ARHGAP17: variants seen among roughly 807,000 people sequenced by gnomAD.
ARHGAP17 encodes the protein Rho GTPase activating protein 17.
A neutral mutation model predicts 99.5 loss-of-function variants in ARHGAP17; 57 were observed. The observed-to-expected ratio is 0.57, with a 90% CI of 0.46 to 0.71. ARHGAP17 has a LOEUF of 0.71. Among genes scored for constraint, ARHGAP17 ranks in the 30% least tolerant of loss-of-function variants. The probability of loss-of-function intolerance (pLI) is 0.00; values close to 1 mark genes in which losing one functional copy is unlikely to be tolerated. For missense variants in ARHGAP17, 1,000 were observed against 1,122.4 expected (o/e 0.89, Z 1.56); for synonymous variants, 417 against 429.6 (o/e 0.97, Z 0.36).
At chr16:25,013,669 A>G (rs773955657) in intron 1 of ARHGAP17, among the ~76,000 whole-genome samples, 1 of 152,102 alleles carries the variant, frequency 6.6e-6, no homozygotes. Context: ...ATGACCCAGG[A>G]GTCAAAGAGA....
chr16:24,990,844 G>C (rs1440490989), intron 1 of ARHGAP17, among the ~76,000 whole-genome samples: 2 of 149,766 alleles, frequency 1.3e-5, no homozygotes, highest in Non-Finnish European at 3.0e-5. Flanking sequence ...GCAAGGAGAA[G>C]GTTCAGGTAG....
intron 7 of ARHGAP17, among the ~76,000 whole-genome samples, chr16:24,961,199 A>C (rs765303435): frequency 4.6e-5 from 7 of 151,486 alleles, no homozygotes; most frequent in African/African-American, 7.2e-5. Context: ...GTATAAAAAT[A>C]TGTCTTGACA....
At chr16:24,944,886 G>A (rs112460483) in intron 14 of ARHGAP17, among the ~76,000 whole-genome samples, 2 of 152,116 alleles carry the variant, frequency 1.3e-5, no homozygotes, top group African/African-American at 4.8e-5. Context: ...AAAGTGCTGG[G>A]ATTACAGGCG....
At chr16:24,930,727 T>C (rs1567207853) in intron 19 of ARHGAP17, 57 bp downstream of exon 19, 3 of 1,614,072 alleles carry the variant, frequency 1.9e-6, no homozygotes, top group East Asian at 2.2e-5. Context: ...TAAAATGTAG[T>C]AGTACAAAAG....
rs200789627 is a variant in ARHGAP17, at chr16:24,935,472, C to T, written c.1892G>A (p.Arg631Gln). 67 of 1,590,946 alleles carry T rather than the reference C, an allele frequency of 4.2e-5. No homozygotes were observed. The highest frequency in any genetic ancestry group is 3.4e-4 in the Middle Eastern group (2 of 5,938). The change falls in exon 18 of 20, where the codon CGA (arginine) becomes CAA (glutamine). Residue 631 changes from arginine to glutamine, a missense_variant and splice_region_variant. Physicochemically the swap from Arg to Gln is conservative, Grantham distance 43. Coordinates refer to ENST00000289968, the MANE Select transcript of ARHGAP17 (RefSeq NM_001006634.3). ...AAGPSPHTLR[R>Q]AVKKPAPAPP... The stretch of plus-strand genomic sequence containing the variant: ...CAAGGAGGACGGTGGCTGCTTACCT[C>T]GGCGCAGTGTATGCGGGCTGGGCCC...
chr16:24,998,758 C>T (rs993733838), intron 1 of ARHGAP17, among the ~76,000 whole-genome samples: 6 of 152,044 alleles, frequency 3.9e-5, no homozygotes, highest in Admixed American at 6.6e-5. Flanking sequence ...AAGTGAAGGA[C>T]CCAAAAAGAG....
intron 1 of ARHGAP17, among the ~76,000 whole-genome samples, chr16:24,998,113 C>T (rs1466559804): frequency 1.3e-5 from 2 of 151,616 alleles, no homozygotes; most frequent in African/African-American, 2.4e-5. Context: ...GAGCGAGGTG[C>T]GGGTGAAGCA....
chr16:24,991,872 G>C (rs571352838), intron 1 of ARHGAP17, among the ~76,000 whole-genome samples: 2 of 152,040 alleles, frequency 1.3e-5, no homozygotes, highest in Non-Finnish European at 2.9e-5. Context: ...CAGGAACTGA[G>C]AAAGAAAAAA....
Position 24,950,289 on chromosome 16 carries a change from T to G in ARHGAP17, c.1047-805A>C, listed in dbSNP as rs554353965. ...ACAGATAGACGCCTTCTTTTACAAGTTTATTTCCTTGTAATAAACAAGGAA... is the reference window on the plus strand; with the variant it reads ...ACAGATAGACGCCTTCTTTTACAAGGTTATTTCCTTGTAATAAACAAGGAA... On this transcript the variant is annotated intron_variant, in intron 12 of 19. Transcript: ENST00000289968. Among the ~76,000 whole-genome samples, 16 of 152,298 alleles carry G rather than the reference T, an allele frequency of 1.1e-4. No individual in the cohort carries two copies. In the South Asian group the frequency reaches 3.1e-3, roughly 30 times the overall value.
chr16:24,979,903 G>C (rs995758788), intron 1 of ARHGAP17, among the ~76,000 whole-genome samples: 1 of 152,146 alleles, frequency 6.6e-6, no homozygotes, highest in African/African-American at 2.4e-5. Flanking sequence ...AAGAGACAGG[G>C]TTTTGCCATG....
chr16:24,964,943 A>C (rs2052128953), intron 6 of ARHGAP17, among the ~76,000 whole-genome samples: 1 of 152,118 alleles, frequency 6.6e-6, no homozygotes, highest in Admixed American at 6.5e-5. Flanking sequence ...CTCCATGTCT[A>C]CAAACAACAA....
At chr16:24,940,108 G>T (rs2051270369) in intron 16 of ARHGAP17, among the ~76,000 whole-genome samples, 1 of 152,026 alleles carries the variant, frequency 6.6e-6, no homozygotes, top group Non-Finnish European at 1.5e-5. Flanking sequence ...TTTTTTTGTA[G>T]AGATGCGGTC....
At chr16:24,985,023 C>T (rs554189621) in intron 1 of ARHGAP17, among the ~76,000 whole-genome samples, 2 of 152,214 alleles carry the variant, frequency 1.3e-5, no homozygotes, top group East Asian at 3.9e-4. Flanking sequence ...ATATCCTTCC[C>T]AATTTGTTTT....
chr16:24,984,437 C>T (rs1054833169), intron 1 of ARHGAP17, among the ~76,000 whole-genome samples: 6 of 152,094 alleles, frequency 3.9e-5, no homozygotes, highest in Non-Finnish European at 8.8e-5. Context: ...GAAGCCAAGG[C>T]AGGCGGATCA....
chr16:24,978,279 T>C (rs920443415), intron 2 of ARHGAP17, among the ~76,000 whole-genome samples: 3 of 152,246 alleles, frequency 2.0e-5, no homozygotes, highest in South Asian at 2.1e-4. Flanking sequence ...TTTTGTTCAC[T>C]GATTTCTCCC....
chr16:24,961,960 TAG>T (rs1442234180), intron 7 of ARHGAP17, among the ~76,000 whole-genome samples: 6 of 127,852 alleles, frequency 4.7e-5, no homozygotes, highest in Admixed American at 7.6e-5. Context: ...AATATATATG[TAG>T]AGAGAGTTTG....
At chr16:24,946,320 C>T (rs951274389) in intron 14 of ARHGAP17, among the ~76,000 whole-genome samples, 1 of 151,772 alleles carries the variant, frequency 6.6e-6, no homozygotes, top group Non-Finnish European at 1.5e-5. Context: ...CTTCAAGTTT[C>T]ACGAAGCCAC....
At chr16:24,961,106 C>CA (rs2051983496) in intron 7 of ARHGAP17, among the ~76,000 whole-genome samples, 1 of 151,934 alleles carries the variant, frequency 6.6e-6, no homozygotes, top group African/African-American at 2.4e-5. Flanking sequence ...TCAAGTGATC[C>CA]ACCCACCCCA....
intron 1 of ARHGAP17, among the ~76,000 whole-genome samples, chr16:25,001,405 C>T (rs781505381): frequency 3.1e-4 from 47 of 152,172 alleles, no homozygotes; most frequent in Non-Finnish European, 5.3e-4. Flanking sequence ...TATTTTTGAA[C>T]CTTTAGAGCC....
Sources: allele counts gnomAD v4.1 joint callset (sites outside exome capture counted in the v4.1 genomes callset), GRCh38; gene constraint gnomAD v4.1.1; transcripts MANE v1.5; gene names NCBI Gene and HGNC (gene_info 2026-07-23, HGNC 2026-07-21).